The following ADAMTS7 variants were observed in gnomAD, a reference collection of about 807,000 sequenced individuals.
ADAMTS7 encodes the protein ADAM metallopeptidase with thrombospondin type 1 motif 7.
A neutral mutation model predicts 172.6 loss-of-function variants in ADAMTS7; 89 were observed. That is an observed-to-expected ratio of 0.52 (90% CI 0.43 to 0.61). The LOEUF (loss-of-function observed/expected upper bound fraction) is 0.61, where lower values mean the gene tolerates loss of function less well. ADAMTS7 is among the 20% of genes least tolerant of loss of function. The pLI is 0.00. For synonymous variants in ADAMTS7, 885 were observed against 978.4 expected (o/e 0.90, Z 1.78); for missense variants, 1,973 against 2,355.6 (o/e 0.84, Z 3.36).
chr15:78,777,129 G>C (rs1567220365), intron 9 of ADAMTS7: 3 of 562,894 alleles, frequency 5.3e-6, no homozygotes, highest in South Asian at 2.3e-5. Flanking sequence ...CACTTCAGGC[G>C]ATCTTCGCCA....
chr15:78,792,069 A>T (rs1383633), intron 4 of ADAMTS7, among the ~76,000 whole-genome samples: 2,602 of 152,364 alleles, frequency 0.017, 21 homozygotes, highest in Admixed American at 0.019. Context: ...CAATGCATCA[A>T]GAAAAAGAAT....
Position 78,766,222 on chromosome 15 carries a change from G to C in ADAMTS7, c.3689C>G (p.Pro1230Arg), listed in dbSNP as rs758509464. The C allele has an allele frequency of 1.2e-6, 2 of 1,611,842 alleles. No individual in the cohort carries two copies. The highest frequency in any genetic ancestry group is 1.7e-6 in the Non-Finnish European group (2 of 1,179,734). The change falls in exon 19 of 24, where the codon CCC (proline) becomes CGC (arginine). Residue 1230 changes from proline to arginine, a missense_variant. By Grantham distance (103) the Pro-to-Arg change is moderately radical. This residue lies in a region of ADAMTS7 where 771 missense variants were observed against 952.6 expected (regional missense o/e 0.81). Coordinates refer to ENST00000388820, the MANE Select transcript of ADAMTS7 (RefSeq NM_014272.5). ...DDEEPKGRGAPHLPPRPSSTL... is the reference protein window; with the variant it reads ...DDEEPKGRGARHLPPRPSSTL... ...GGAGCTGGGTCTCGGGGGCAGGTGG[G>C]GTGCTCCTCGGCCCTTGGGTTCCTC...
intron 4 of ADAMTS7, among the ~76,000 whole-genome samples, chr15:78,792,765 G>C (rs151125405): frequency 6.6e-6 from 1 of 152,292 alleles, no homozygotes; most frequent in African/African-American, 2.4e-5. Context: ...AGTGAGCTGA[G>C]ATTGCACCAC....
chr15:78,792,192 C>T (rs998190121), intron 4 of ADAMTS7, among the ~76,000 whole-genome samples: 2 of 152,118 alleles, frequency 1.3e-5, no homozygotes, highest in South Asian at 2.1e-4. Flanking sequence ...AGATAAACAG[C>T]GATATCATGT....
chr15:78,774,105 G>A (rs1453355644), intron 13 of ADAMTS7, 62 bp downstream of exon 13: 24 of 1,574,120 alleles, frequency 1.5e-5, no homozygotes, highest in Non-Finnish European at 1.9e-5. Context: ...AGAGAACCTG[G>A]GGCCTGCCAG....
intron 4 of ADAMTS7, among the ~76,000 whole-genome samples, chr15:78,791,549 C>A (rs1292997782): frequency 6.6e-6 from 1 of 152,226 alleles, no homozygotes; most frequent in Non-Finnish European, 1.5e-5. Context: ...TCCATGCCCA[C>A]CCAGCACAGG....
At position 78,796,624 on chromosome 15, in the gene ADAMTS7, T is replaced by A; in HGVS notation, c.785A>T (p.Gln262Leu). 1 of 1,609,800 alleles carries A rather than the reference T, an allele frequency of 6.2e-7. No homozygotes were observed. The highest frequency in any genetic ancestry group is 8.5e-7 in the Non-Finnish European group (1 of 1,177,514). The change falls in exon 4 of 24, where the codon CAG becomes CTG. Residue 262 changes from glutamine (Q) to leucine (L), a missense_variant. Transcript: ENST00000388820. Reference sequence around the variant, plus strand: ...GATGGTCAGCACATAGCTCTCAACCTGCGGCTGTCCGTGGTACTCCACCAT... The same window carrying A: ...GATGGTCAGCACATAGCTCTCAACCAGCGGCTGTCCGTGGTACTCCACCAT... ...AKMVEYHGQP[Q>L]VESYVLTIMN...
intron 3 of ADAMTS7, 68 bp from the exon 4 acceptor site, chr15:78,796,854 C>T: frequency 7.1e-7 from 1 of 1,402,628 alleles, no homozygotes; most frequent in Non-Finnish European, 9.6e-7. Context: ...TCCAGGGCCT[C>T]TCCTCAGTGA....
At chr15:78,762,324 T>C in intron 23 of ADAMTS7, 79 bp downstream of exon 23, 1 of 1,327,704 alleles carries the variant, frequency 7.5e-7, no homozygotes, top group East Asian at 3.1e-5. Flanking sequence ...GTGGGCACAA[T>C]GGTTTGACGA....
chr15:78,774,837 T>C (rs751311772), intron 11 of ADAMTS7, 44 bp from the exon 12 acceptor site: 1 of 1,544,332 alleles, frequency 6.5e-7, no homozygotes, highest in Non-Finnish European at 8.7e-7. Context: ...GCCCAGTGAG[T>C]GCTACTGCAT....
rs770946865 is a variant in ADAMTS7 at position 78,766,521 on chromosome 15, C to A, written c.3390G>T (p.Pro1130=). 45 of 1,585,720 alleles carry A rather than the reference C, an allele frequency of 2.8e-5. No homozygotes were observed. The highest frequency in any genetic ancestry group is 5.2e-5 in the Admixed American group (3 of 57,280). The part of the protein sequence containing the change: ...KEEGVLGPWS[P]SPWPSQAGRS... ...GGCCGGCCTGGCTAGGCCAAGGGCT[C>A]GGGGACCAAGGTCCCAGTACCCCCT... The change falls in exon 19 of 24, where the codon CCG becomes CCT. Residue 1130 remains proline (P), a synonymous_variant. Coordinates refer to ENST00000388820, the MANE Select transcript of ADAMTS7 (RefSeq NM_014272.5).
chr15:78,776,626 A>G (rs1251595521), intron 10 of ADAMTS7, 123 bp downstream of exon 10: 23 of 1,055,348 alleles, frequency 2.2e-5, no homozygotes, highest in Non-Finnish European at 3.2e-5. Context: ...TGGGCTGCAG[A>G]GAGCGTGGGG....
intron 8 of ADAMTS7, among the ~76,000 whole-genome samples, chr15:78,780,855 C>A (rs997124876): frequency 1.3e-5 from 2 of 152,222 alleles, no homozygotes; most frequent in African/African-American, 4.8e-5. Flanking sequence ...GGCTTGGTGG[C>A]CCTCTCCCCA....
Position 78,800,378 on chromosome 15 carries a change from C to T in ADAMTS7, c.270G>A (p.Glu90=). The T allele has an allele frequency of 6.2e-7, 1 of 1,606,622 alleles. No individual in the cohort carries two copies. Among genetic ancestry groups the T allele is most frequent in the South Asian group, 1.1e-5 (1 of 90,626 alleles). ...GATTGGCGGTCAGGTTGAAGCGCAG[C>T]TCGCGCCCGCGGTATTGTAGCTCGT... ...AFYELQYRGR[E]LRFNLTANQH... is the part of the protein sequence containing the mutation. The change falls in exon 2 of 24, where the codon GAG becomes GAA. Residue 90 remains glutamate (E), a synonymous_variant. Transcript: ENST00000388820.
intron 16 of ADAMTS7, among the ~76,000 whole-genome samples, chr15:78,768,487 G>A (rs150663271): frequency 3.0e-4 from 46 of 152,298 alleles, no homozygotes; most frequent in Middle Eastern, 3.4e-3. Flanking sequence ...GACTGGAGGG[G>A]TGGCAGAGTG....
intron 17 of ADAMTS7, 109 bp from the exon 18 acceptor site, chr15:78,767,701 G>T: frequency 9.6e-7 from 1 of 1,040,338 alleles, no homozygotes. Flanking sequence ...TTTGGGTAGA[G>T]CTGGGACTGA....
intron 16 of ADAMTS7, chr15:78,770,940 A>T (rs1034576109): frequency 3.6e-5 from 22 of 606,376 alleles, no homozygotes; most frequent in Non-Finnish European, 5.8e-5. Flanking sequence ...CACACTGAAC[A>T]TGCGCCGCGA....
chr15:78,806,110 ACACACACACACACACAC>A (rs2055786633), intron 1 of ADAMTS7, among the ~76,000 whole-genome samples: 7 of 20,860 alleles, frequency 3.4e-4, no homozygotes, highest in Non-Finnish European at 1.7e-4. Flanking sequence ...ACACACACAC[ACACACACACACACACAC>A]AAAAAAAAAA....
In ADAMTS7 at chr15:78,764,810, G is replaced by A. The variant is rs183810659; in HGVS notation, c.4267-103C>T. ...GGCTAGCGAGACCTCAGCAAGACAG[G>A]GGCCCTCTTCTGGGCCTCAGTTTCC... On this transcript the variant is annotated intron_variant, in intron 19 of 23. Transcript: ENST00000388820. The A allele has an allele frequency of 1.0e-3, 1,304 of 1,277,302 alleles. 6 individuals carry two copies. Among genetic ancestry groups the A allele is most frequent in the Middle Eastern group, 1.7e-3 (6 of 3,498 alleles). The allele number at this position is 1,277,302 out of a possible 1,614,324, so 79.1% of individuals were successfully genotyped here.
Sources: allele counts gnomAD v4.1 joint callset (sites outside exome capture counted in the v4.1 genomes callset), GRCh38; gene constraint gnomAD v4.1.1; regional missense constraint gnomAD v4.1.1; transcripts MANE v1.5; gene names NCBI Gene and HGNC (gene_info 2026-07-23, HGNC 2026-07-21).